The following INPP4B variants were observed in gnomAD, a reference collection of about 807,000 sequenced individuals.
The protein encoded by INPP4B is inositol polyphosphate-4-phosphatase type II B.
A neutral mutation model predicts 122.5 loss-of-function variants in INPP4B; 55 were observed. The observed-to-expected ratio is 0.45, with a 90% CI of 0.36 to 0.56. The LOEUF (loss-of-function observed/expected upper bound fraction) is 0.56. INPP4B is among the 20% of genes least tolerant of loss of function. The probability of loss-of-function intolerance (pLI) is 0.00; values close to 1 mark genes in which losing one functional copy is unlikely to be tolerated. For missense variants in INPP4B, 1,000 were observed against 1,097.7 expected, an observed-to-expected ratio of 0.91 and a Z score of 1.26; for synonymous variants, 403 against 388.7, an observed-to-expected ratio of 1.04 and a Z score of -0.43.
At chr4:142,058,226 T>G (rs1185591073) in intron 25 of INPP4B, among the ~76,000 whole-genome samples, 1 of 152,144 alleles carries the variant, frequency 6.6e-6, no homozygotes, top group African/African-American at 2.4e-5. Flanking sequence ...TTTCAGAAGC[T>G]TATGATCACA....
At chr4:142,116,909 C>T (rs754437037) in intron 21 of INPP4B, among the ~76,000 whole-genome samples, 17 of 151,764 alleles carry the variant, frequency 1.1e-4, no homozygotes, top group South Asian at 2.1e-4. Flanking sequence ...ATTGACAGAC[C>T]GGTAGCGAAA....
intron 25 of INPP4B, among the ~76,000 whole-genome samples, chr4:142,046,077 A>C (rs114528577): frequency 0.013 from 2,005 of 151,564 alleles, 49 homozygotes; most frequent in African/African-American, 0.046. Flanking sequence ...TAATAAAAAA[A>C]TGTGTAAACC....
intron 7 of INPP4B, among the ~76,000 whole-genome samples, chr4:142,338,635 A>C (rs894121460): frequency 2.6e-5 from 4 of 152,152 alleles, no homozygotes; most frequent in Non-Finnish European, 4.4e-5. Flanking sequence ...CCTGCCTTTC[A>C]GATTCAATAA....
At chr4:142,759,313 T>C (rs1484613098) in intron 1 of INPP4B, among the ~76,000 whole-genome samples, 1 of 152,172 alleles carries the variant, frequency 6.6e-6, no homozygotes, top group Non-Finnish European at 1.5e-5. Flanking sequence ...TTTTCAACCT[T>C]AGTTTCCTTC....
chr4:142,528,460 A>C (rs1827202874), intron 2 of INPP4B, among the ~76,000 whole-genome samples: 1 of 152,046 alleles, frequency 6.6e-6, no homozygotes, highest in Admixed American at 6.6e-5. Context: ...GCTGGAGACC[A>C]CTCTCTATTC....
chr4:142,128,094 T>C (rs1799439102), intron 18 of INPP4B, among the ~76,000 whole-genome samples: 1 of 152,126 alleles, frequency 6.6e-6, no homozygotes, highest in African/African-American at 2.4e-5. Flanking sequence ...GTTTTCAGAC[T>C]TGTCACTTGC....
At chr4:142,427,486 A>G (rs759303262) in intron 5 of INPP4B, 4 of 675,514 alleles carry the variant, frequency 5.9e-6, no homozygotes, top group Non-Finnish European at 1.1e-5. Context: ...ATCTGGAAAT[A>G]TAAGTGATGA....
At chr4:142,596,519 A>G (rs1313254228) in intron 2 of INPP4B, among the ~76,000 whole-genome samples, 1 of 152,192 alleles carries the variant, frequency 6.6e-6, no homozygotes, top group African/African-American at 2.4e-5. Context: ...CCATCCAAAA[A>G]ACCCACAAAC....
intron 2 of INPP4B, among the ~76,000 whole-genome samples, chr4:142,590,307 T>C (rs1325314349): frequency 2.6e-5 from 4 of 152,222 alleles, no homozygotes. Flanking sequence ...AATCCCAAGA[T>C]ACAATGCAGA....
chr4:142,389,316 C>A (rs1796958403), intron 7 of INPP4B, among the ~76,000 whole-genome samples: 2 of 150,954 alleles, frequency 1.3e-5, no homozygotes, highest in African/African-American at 4.9e-5. Context: ...ACTGGATCTT[C>A]TTCTTTCAGT....
chr4:142,147,956 A>G (rs961099577), intron 17 of INPP4B, among the ~76,000 whole-genome samples: 10 of 152,174 alleles, frequency 6.6e-5, no homozygotes, highest in African/African-American at 2.4e-4. Flanking sequence ...AAGTAACCTG[A>G]TGGTCTTGAC....
intron 5 of INPP4B, among the ~76,000 whole-genome samples, chr4:142,410,830 T>C (rs1053569091): frequency 6.6e-6 from 1 of 152,358 alleles, no homozygotes; most frequent in East Asian, 1.9e-4. Context: ...ATAGTTATAC[T>C]GTGCATTAAC....
chr4:142,047,370 G>A (rs1211496817), intron 25 of INPP4B, among the ~76,000 whole-genome samples: 3 of 151,998 alleles, frequency 2.0e-5, no homozygotes, highest in Admixed American at 6.6e-5. Context: ...AATAAGACAC[G>A]AAGACACAGA....
At position 142,337,536 on chromosome 4, in the gene INPP4B, A is replaced by C. The variant is rs370814137; in HGVS notation, c.373-22774T>G. Reference sequence around the variant, plus strand: ...TGTATTATTAATTAATAATTATCTGATTATTAATGAGGTCGATTCCCAAAT... The same window carrying C: ...TGTATTATTAATTAATAATTATCTGCTTATTAATGAGGTCGATTCCCAAAT... On this transcript the variant is annotated intron_variant, in intron 7 of 25. Coordinates refer to ENST00000262992, the MANE Select transcript of INPP4B (RefSeq NM_001101669.3). Among the ~76,000 whole-genome samples the C allele has an allele frequency of 3.0e-4, 46 of 150,998 alleles. 1 individual carries two copies. The East Asian group carries it at 6.2e-3, about 20-fold the overall frequency.
At chr4:142,725,060 C>G (rs1765162199) in intron 2 of INPP4B, among the ~76,000 whole-genome samples, 1 of 152,082 alleles carries the variant, frequency 6.6e-6, no homozygotes, top group African/African-American at 2.4e-5. Flanking sequence ...AAATTCTAAA[C>G]TGTCTGAAAC....
intron 2 of INPP4B, among the ~76,000 whole-genome samples, chr4:142,587,588 T>G (rs1197180413): frequency 6.6e-6 from 1 of 152,148 alleles, no homozygotes; most frequent in African/African-American, 2.4e-5. Context: ...ATGGGTTACA[T>G]GAGATATTTT....
intron 2 of INPP4B, among the ~76,000 whole-genome samples, chr4:142,470,320 A>C (rs10015271): frequency 0.19 from 28,541 of 152,130 alleles, 3,221 homozygotes; most frequent in East Asian, 0.43. Flanking sequence ...GAATAAACAT[A>C]TGAAAAATGT....
rs183168186 is a variant in INPP4B, at chr4:142,578,289, C to G, written c.-190-115563G>C. Reference sequence around the variant, plus strand: ...TTCTTCCTTGAGTGATGCTTAAACCCGTAATGATGAGATTTGCCTCGTGAC... The same window carrying G: ...TTCTTCCTTGAGTGATGCTTAAACCGGTAATGATGAGATTTGCCTCGTGAC... On this transcript the variant is annotated intron_variant, in intron 2 of 25. Coordinates refer to ENST00000262992, the MANE Select transcript of INPP4B (RefSeq NM_001101669.3). 3.9e-5 allele frequency among the ~76,000 whole-genome samples: 6 copies of G among 152,012 alleles called. 1 individual carries two copies. Among genetic ancestry groups the G allele is most frequent in the South Asian group, 2.1e-4 (1 of 4,812 alleles).
chr4:142,225,048 T>A (rs1347869999), intron 12 of INPP4B, among the ~76,000 whole-genome samples: 4 of 151,884 alleles, frequency 2.6e-5, no homozygotes, highest in African/African-American at 9.7e-5. Context: ...ACCAGAAGAG[T>A]TAACATTTGA....
Sources: gnomAD v4.1 joint callset for allele counts (sites outside exome capture counted in the v4.1 genomes callset) on GRCh38, gnomAD v4.1.1 for gene constraint, MANE v1.5 for transcripts, NCBI Gene and HGNC (gene_info 2026-07-23, HGNC 2026-07-21) for gene names.